The following HTRA1 variants were observed in gnomAD, a reference collection of about 807,000 sequenced individuals.
HTRA1 encodes the protein serine protease HTRA1.
HTRA1 carries 26 observed loss-of-function variants against 49.7 expected under a neutral mutation model. That is an observed-to-expected ratio of 0.52 (90% CI 0.38 to 0.73). HTRA1 has a LOEUF of 0.73. HTRA1 is among the 30% of genes least tolerant of loss of function. The pLI, the probability that HTRA1 is intolerant of heterozygous loss-of-function variation, is 0.00. For missense variants in HTRA1, 561 were observed against 667.2 expected, an observed-to-expected ratio of 0.84 and a Z score of 1.75; for synonymous variants, 291 against 286.9, an observed-to-expected ratio of 1.01 and a Z score of -0.14.
At chr10:122,507,004 C>T (rs1356585095) in intron 4 of HTRA1, 119 bp downstream of exon 4, 2 of 912,054 alleles carry the variant, frequency 2.2e-6, no homozygotes, top group Middle Eastern at 2.9e-4. Context: ...TGGAACTAGA[C>T]CAAGCCATGT....
chr10:122,512,036 T>A lies in HTRA1; in HGVS notation c.1245T>A (p.Ile415=). The A allele has an allele frequency of 6.2e-7, 1 of 1,613,504 alleles. No individual in the cohort carries two copies. Among genetic ancestry groups the A allele is most frequent in the Middle Eastern group, 1.7e-4 (1 of 6,054 alleles). The change falls in exon 8 of 9, where the codon ATT becomes ATA. Residue 415 remains isoleucine (I), a synonymous_variant. Transcript: ENST00000368984. The stretch of plus-strand genomic sequence containing the variant: ...ACGTGATCTCAGGAGCGTATATAAT[T>A]GAAGTAATTCCTGATACCCCAGCAG... ...FPDVISGAYI[I]EVIPDTPAEA...
intron 1 of HTRA1, 29 bp downstream of exon 1, chr10:122,462,153 C>A: frequency 6.7e-7 from 1 of 1,493,386 alleles, no homozygotes; most frequent in Non-Finnish European, 9.0e-7. Context: ...GGGCAGCTCC[C>A]CACTCTCTCC....
intron 1 of HTRA1, among the ~76,000 whole-genome samples, chr10:122,465,924 C>A (rs1449134675): frequency 6.6e-6 from 1 of 152,184 alleles, no homozygotes; most frequent in African/African-American, 2.4e-5. Flanking sequence ...GAAGCCTCAT[C>A]CATTTCTCCT....
At position 122,514,351 on chromosome 10, in the gene HTRA1, G is replaced by A; in HGVS notation, c.1435G>A (p.Asp479Asn). Reference protein sequence around the residue: ...IMITVIPEEIDP With the variant: ...IMITVIPEEINP ...GATCACAGTGATTCCCGAAGAAATT[G>A]ACCCATAGGCAGAGGCATGAGCTGG... Residue 479 changes from aspartate to asparagine, a missense_variant, in exon 9 of 9, where the codon GAC becomes AAC. Transcript: ENST00000368984. The A allele has an allele frequency of 6.2e-7, 1 of 1,614,070 alleles. No individual in the cohort carries two copies. Among genetic ancestry groups the A allele is most frequent in the Non-Finnish European group, 8.5e-7 (1 of 1,179,980 alleles).
intron 3 of HTRA1, among the ~76,000 whole-genome samples, chr10:122,496,236 T>TTTTTTG (rs2097498673): frequency 1.4e-5 from 1 of 70,262 alleles, no homozygotes; most frequent in Non-Finnish European, 2.8e-5. Flanking sequence ...TTCTTTTTTT[T>TTTTTTG]TTTTTTTTTT....
intron 1 of HTRA1, among the ~76,000 whole-genome samples, chr10:122,488,306 G>A (rs2097493965): frequency 6.6e-6 from 1 of 152,096 alleles, no homozygotes; most frequent in Non-Finnish European, 1.5e-5. Context: ...GGTGGCTTAC[G>A]CCTGTAATCC....
chr10:122,475,392 C>A (rs577064096), intron 1 of HTRA1, among the ~76,000 whole-genome samples: 1 of 152,224 alleles, frequency 6.6e-6, no homozygotes, highest in African/African-American at 2.4e-5. Context: ...CCGGCTCCCC[C>A]GCCTCTTCCT....
In HTRA1 at chr10:122,507,408, G is replaced by A. The variant is rs750250408; in HGVS notation, c.1005+6G>A. ...GAGGCCCGTTAGTAAACCTGGTAAG[G>A]TCTTTTAAACCTATGTTAGGTCATT... On this transcript the variant is annotated splice_donor_region_variant and intron_variant, in intron 5 of 8. Transcript: ENST00000368984. The A allele has an allele frequency of 1.2e-6, 2 of 1,602,140 alleles. No individual in the cohort carries two copies. The highest frequency in any genetic ancestry group is 1.7e-6 in the Non-Finnish European group (2 of 1,169,132).
At chr10:122,501,714 C>G (rs1309907379) in intron 3 of HTRA1, among the ~76,000 whole-genome samples, 1 of 152,152 alleles carries the variant, frequency 6.6e-6, no homozygotes, top group Non-Finnish European at 1.5e-5. Context: ...GAGGAGGGTG[C>G]CAGGGCGCTT....
At chr10:122,466,616 G>A (rs2097483903) in intron 1 of HTRA1, among the ~76,000 whole-genome samples, 1 of 152,140 alleles carries the variant, frequency 6.6e-6, no homozygotes. Context: ...TCAATACAAT[G>A]GGGGAAAATA....
At chr10:122,512,174 C>A (rs2097505958) in intron 8 of HTRA1, 109 bp downstream of exon 8, 1 of 867,506 alleles carries the variant, frequency 1.2e-6, no homozygotes, top group East Asian at 2.5e-5. Flanking sequence ...TTATGTTGAT[C>A]CTTGACAGAC....
At chr10:122,482,990 G>A (rs147679940) in intron 1 of HTRA1, among the ~76,000 whole-genome samples, 7 of 144,620 alleles carry the variant, frequency 4.8e-5, no homozygotes, top group African/African-American at 1.8e-4. Context: ...ACAGATAAAA[G>A]CCTATCCTTT....
chr10:122,475,095 G>A (rs1300055459), intron 1 of HTRA1, among the ~76,000 whole-genome samples: 13 of 152,190 alleles, frequency 8.5e-5, no homozygotes, highest in Admixed American at 7.9e-4. Context: ...AGCACATTTC[G>A]AATCTACTCT....
chr10:122,507,188 A>G (rs986463602), intron 4 of HTRA1, among the ~76,000 whole-genome samples, 182 bp from the exon 5 acceptor site: 1 of 152,094 alleles, frequency 6.6e-6, no homozygotes, highest in Admixed American at 6.6e-5. Flanking sequence ...CACCTCTAAA[A>G]CTTTCTGAAA....
chr10:122,496,341 G>A (rs74748187), intron 3 of HTRA1, among the ~76,000 whole-genome samples: 2,951 of 146,150 alleles, frequency 0.02, 73 homozygotes, highest in East Asian at 0.15. Flanking sequence ...TGGTAGAAAG[G>A]ACTTTGTCAG....
intron 1 of HTRA1, among the ~76,000 whole-genome samples, chr10:122,463,276 C>T (rs950725619): frequency 2.6e-5 from 4 of 152,182 alleles, no homozygotes; most frequent in African/African-American, 9.7e-5. Context: ...ATGCCAGAGC[C>T]GAACTGGGTG....
intron 1 of HTRA1, among the ~76,000 whole-genome samples, chr10:122,486,033 G>A (rs1405199418): frequency 6.6e-6 from 1 of 152,160 alleles, no homozygotes; most frequent in Admixed American, 6.5e-5. Context: ...GAGTGCTCGG[G>A]GGGACACACC....
chr10:122,502,890 C>G (rs922225995), intron 3 of HTRA1, among the ~76,000 whole-genome samples: 2 of 152,228 alleles, frequency 1.3e-5, no homozygotes, highest in Admixed American at 6.5e-5. Context: ...CTTTTCCCCC[C>G]AGCAGTGTGA....
chr10:122,499,018 A>G (rs958098723), intron 3 of HTRA1, among the ~76,000 whole-genome samples: 3 of 151,188 alleles, frequency 2.0e-5, no homozygotes, highest in African/African-American at 7.3e-5. Context: ...CAGCTTGGGC[A>G]CCGCTTAACA....
Sources: gnomAD v4.1 joint callset for allele counts (sites outside exome capture counted in the v4.1 genomes callset) on GRCh38, gnomAD v4.1.1 for gene constraint, MANE v1.5 for transcripts, NCBI Gene and HGNC (gene_info 2026-07-23, HGNC 2026-07-21) for gene names.